Variants in CNTNAP2 observed in about 807,000 individuals in gnomAD.
CNTNAP2 encodes contactin-associated protein-like 2.
In CNTNAP2, 98 loss-of-function variants were observed where a neutral mutation model predicts 155.2. The ratio of observed to expected loss-of-function variants is 0.63; its 90% CI spans 0.54 to 0.75. The LOEUF is 0.75. Among genes scored for constraint, CNTNAP2 ranks in the 30% least tolerant of loss-of-function variants. The pLI is 0.00. For synonymous variants in CNTNAP2, 651 were observed against 631.2 expected (o/e 1.03, Z -0.47); for missense variants, 1,727 against 1,688.1 (o/e 1.02, Z -0.40).
At chr7:146,738,509 A>G (rs11981752) in intron 1 of CNTNAP2, among the ~76,000 whole-genome samples, 2 of 151,434 alleles carry the variant, frequency 1.3e-5, no homozygotes, top group South Asian at 4.2e-4. Flanking sequence ...AGAAGCTTTT[A>G]TGTTTCATGC....
chr7:146,837,652 T>C (rs1803644307), intron 2 of CNTNAP2, among the ~76,000 whole-genome samples: 1 of 152,012 alleles, frequency 6.6e-6, no homozygotes, highest in Non-Finnish European at 1.5e-5. Flanking sequence ...GGATGCAATG[T>C]TGTTCAGTTT....
chr7:147,728,790 C>T (rs1482403089), intron 13 of CNTNAP2, among the ~76,000 whole-genome samples: 1 of 151,834 alleles, frequency 6.6e-6, no homozygotes, highest in African/African-American at 2.4e-5. Flanking sequence ...TTTTAGTTTT[C>T]TATTGCAACT....
At chr7:147,245,876 G>C (rs1281364576) in intron 8 of CNTNAP2, among the ~76,000 whole-genome samples, 2 of 149,580 alleles carry the variant, frequency 1.3e-5, no homozygotes, top group African/African-American at 4.9e-5. Flanking sequence ...CAGGAAAACA[G>C]AACCAATAGG....
intron 21 of CNTNAP2, among the ~76,000 whole-genome samples, chr7:148,331,457 A>T (rs1798009567): frequency 7.6e-6 from 1 of 131,826 alleles, no homozygotes; most frequent in Non-Finnish European, 1.6e-5. Context: ...GGATGGATGG[A>T]TGGATGGATA....
At chr7:147,366,031 T>C (rs1407544732) in intron 9 of CNTNAP2, among the ~76,000 whole-genome samples, 1 of 152,216 alleles carries the variant, frequency 6.6e-6, no homozygotes, top group Non-Finnish European at 1.5e-5. Context: ...AAGTCTATGG[T>C]GAAGGTCCTT....
chr7:147,667,818 AATAAAATAAAAAAAT>A (rs1563045542), intron 13 of CNTNAP2, among the ~76,000 whole-genome samples: 33 of 146,816 alleles, frequency 2.2e-4, no homozygotes, highest in African/African-American at 8.7e-4. Flanking sequence ...TAATAAAAAA[AATAAAATAAAAAAAT>A]AAAAGATACC....
intron 3 of CNTNAP2, among the ~76,000 whole-genome samples, chr7:146,922,536 G>T (rs1796524794): frequency 6.6e-6 from 1 of 152,036 alleles, no homozygotes; most frequent in African/African-American, 2.4e-5. Flanking sequence ...AAAAGGTAAA[G>T]AAAACAATGA....
intron 3 of CNTNAP2, among the ~76,000 whole-genome samples, chr7:146,892,442 C>T (rs1795798761): frequency 6.6e-6 from 1 of 152,110 alleles, no homozygotes; most frequent in Non-Finnish European, 1.5e-5. Context: ...CTTCTCCTCT[C>T]AATGAGAAGA....
chr7:147,878,307 T>A (rs1441749443), intron 13 of CNTNAP2, among the ~76,000 whole-genome samples: 1 of 152,156 alleles, frequency 6.6e-6, no homozygotes, highest in Admixed American at 6.5e-5. Context: ...GATGATTTTC[T>A]CTTCAAATTA....
chr7:147,429,127 G>A, intron 10 of CNTNAP2, among the ~76,000 whole-genome samples: 1 of 151,486 alleles, frequency 6.6e-6, no homozygotes, highest in Non-Finnish European at 1.5e-5. Flanking sequence ...GTATGTCTGA[G>A]TAGTATTCCA....
intron 15 of CNTNAP2, among the ~76,000 whole-genome samples, chr7:148,049,084 A>C (rs1386756908): frequency 6.6e-6 from 1 of 151,976 alleles, no homozygotes; most frequent in Non-Finnish European, 1.5e-5. Context: ...GTGTAGTGGT[A>C]GGTGCCTGTA....
At chr7:147,349,533 A>C (rs182484685) in intron 9 of CNTNAP2, among the ~76,000 whole-genome samples, 107 of 152,040 alleles carry the variant, frequency 7.0e-4, no homozygotes, top group African/African-American at 2.5e-3. Flanking sequence ...TAACCTGTCA[A>C]GATAGATAGA....
At chr7:146,936,844 ATCT>A (rs1328921597) in intron 3 of CNTNAP2, among the ~76,000 whole-genome samples, 1 of 152,104 alleles carries the variant, frequency 6.6e-6, no homozygotes, top group Non-Finnish European at 1.5e-5. Context: ...ATGTCTATAG[ATCT>A]TCTTCCACCA....
At chr7:146,749,051 TTTCC>T (rs1485365540) in intron 1 of CNTNAP2, among the ~76,000 whole-genome samples, 1 of 152,140 alleles carries the variant, frequency 6.6e-6, no homozygotes, top group African/African-American at 2.4e-5. Context: ...TTATGAAAGT[TTTCC>T]TTCCTTCTTT....
intron 13 of CNTNAP2, among the ~76,000 whole-genome samples, chr7:147,780,213 C>T (rs907630778): frequency 2.0e-5 from 3 of 152,174 alleles, no homozygotes; most frequent in African/African-American, 7.2e-5. Flanking sequence ...TGTCAGTCTG[C>T]AAAATTGCCT....
At chr7:148,299,294 C>T (rs1740460099) in intron 21 of CNTNAP2, among the ~76,000 whole-genome samples, 1 of 152,122 alleles carries the variant, frequency 6.6e-6, no homozygotes, top group South Asian at 2.1e-4. Context: ...CCGGCCCCAA[C>T]TTTTTAAAAA....
intron 3 of CNTNAP2, among the ~76,000 whole-genome samples, chr7:146,856,497 GA>G (rs1255949874): frequency 6.6e-6 from 1 of 152,158 alleles, no homozygotes; most frequent in Non-Finnish European, 1.5e-5. Flanking sequence ...TCTGGCATAA[GA>G]CATTAATGGT....
intron 9 of CNTNAP2, among the ~76,000 whole-genome samples, chr7:147,301,569 T>C (rs1020195256): frequency 1.3e-5 from 2 of 150,078 alleles, no homozygotes; most frequent in Non-Finnish European, 2.9e-5. Context: ...TATATAGTTA[T>C]ATAGCTCTCT....
intron 1 of CNTNAP2, among the ~76,000 whole-genome samples, chr7:146,352,127 T>A (rs988538829): frequency 1.3e-5 from 2 of 152,216 alleles, no homozygotes; most frequent in Non-Finnish European, 2.9e-5. Context: ...TTACTTTTTT[T>A]ATATCGCATT....
Sources: gnomAD v4.1 joint callset for allele counts (sites outside exome capture counted in the v4.1 genomes callset) on GRCh38, gnomAD v4.1.1 for gene constraint, MANE v1.5 for transcripts, NCBI Gene and HGNC (gene_info 2026-07-23, HGNC 2026-07-21) for gene names.